Variants in SPIDR observed in about 807,000 individuals in gnomAD.
The protein encoded by SPIDR is scaffold protein involved in DNA repair.
A neutral mutation model predicts 104.6 loss-of-function variants in SPIDR; 93 were observed. That is an observed-to-expected ratio of 0.89 (90% CI 0.75 to 1.06). The LOEUF (loss-of-function observed/expected upper bound fraction) is 1.06. SPIDR is among the 50% of genes least tolerant of loss of function. SPIDR has a pLI of 0.00. For missense variants in SPIDR, 1,154 were observed against 1,111.2 expected, an observed-to-expected ratio of 1.04 and a Z score of -0.55; for synonymous variants, 431 against 416.9, an observed-to-expected ratio of 1.03 and a Z score of -0.41.
chr8:47,355,618 A>G (rs2154285379), intron 5 of SPIDR, among the ~76,000 whole-genome samples: 1 of 152,358 alleles, frequency 6.6e-6, no homozygotes, highest in East Asian at 1.9e-4. Flanking sequence ...AAACATTATC[A>G]GAAAGCTATA....
intron 10 of SPIDR, among the ~76,000 whole-genome samples, chr8:47,604,350 G>A (rs992501934): frequency 7.9e-5 from 12 of 152,200 alleles, no homozygotes; most frequent in Admixed American, 3.9e-4. Context: ...TCCCAGGCAC[G>A]CAACCGGCCA....
chr8:47,294,993 G>C (rs1298578784), intron 5 of SPIDR, among the ~76,000 whole-genome samples: 2 of 151,882 alleles, frequency 1.3e-5, no homozygotes, highest in Non-Finnish European at 2.9e-5. Context: ...TGCTGTCATT[G>C]TTTTTTCCCC....
chr8:47,328,563 T>G (rs782566983), intron 5 of SPIDR, among the ~76,000 whole-genome samples: 1 of 152,116 alleles, frequency 6.6e-6, no homozygotes, highest in Non-Finnish European at 1.5e-5. Flanking sequence ...CCAACTTCAT[T>G]TTTTTGAATA....
chr8:47,664,815 G>A (rs2074676322), intron 10 of SPIDR, among the ~76,000 whole-genome samples: 1 of 150,064 alleles, frequency 6.7e-6, no homozygotes, highest in East Asian at 2.0e-4. Flanking sequence ...AGCATCACTT[G>A]AGCCTGGGAG....
intron 5 of SPIDR, among the ~76,000 whole-genome samples, chr8:47,334,457 T>C (rs1305136306): frequency 6.6e-6 from 1 of 152,236 alleles, no homozygotes; most frequent in East Asian, 1.9e-4. Context: ...GGTATATACA[T>C]GTAAAGGATT....
intron 2 of SPIDR, among the ~76,000 whole-genome samples, chr8:47,280,958 A>T (rs1206327925): frequency 4.6e-5 from 7 of 152,228 alleles, no homozygotes; most frequent in Non-Finnish European, 8.8e-5. Flanking sequence ...TTCACAAGAA[A>T]TGCATGTTTA....
intron 8 of SPIDR, among the ~76,000 whole-genome samples, chr8:47,530,013 T>C (rs1313097198): frequency 1.3e-5 from 2 of 152,204 alleles, no homozygotes; most frequent in Admixed American, 6.5e-5. Flanking sequence ...GATTTCATCA[T>C]TATGCAGACA....
intron 10 of SPIDR, among the ~76,000 whole-genome samples, chr8:47,661,589 G>A (rs887909451): frequency 2.6e-5 from 4 of 152,194 alleles, no homozygotes; most frequent in Non-Finnish European, 5.9e-5. Context: ...GGCCTGGCTA[G>A]CCACTGGTTC....
At chr8:47,315,737 AAGAC>A (rs1163353814) in intron 5 of SPIDR, among the ~76,000 whole-genome samples, 10 of 152,200 alleles carry the variant, frequency 6.6e-5, no homozygotes, top group African/African-American at 2.2e-4. Context: ...ATTTTTAACA[AAGAC>A]AGCTATCCAA....
intron 5 of SPIDR, among the ~76,000 whole-genome samples, chr8:47,373,116 A>G (rs955657322): frequency 6.6e-6 from 1 of 152,220 alleles, no homozygotes; most frequent in South Asian, 2.1e-4. Flanking sequence ...GTATTCCTGG[A>G]ATGATAGTAT....
At chr8:47,430,924 A>G (rs2067248934) in intron 7 of SPIDR, among the ~76,000 whole-genome samples, 1 of 152,212 alleles carries the variant, frequency 6.6e-6, no homozygotes, top group Non-Finnish European at 1.5e-5. Context: ...AAGAACTCGT[A>G]TTCTCGATAC....
At chr8:47,351,646 A>G (rs992593806) in intron 5 of SPIDR, among the ~76,000 whole-genome samples, 10 of 152,234 alleles carry the variant, frequency 6.6e-5, no homozygotes, top group Non-Finnish European at 1.0e-4. Flanking sequence ...TCAATCAACC[A>G]TGGACCAAAA....
At chr8:47,501,638 T>C (rs1261436550) in intron 8 of SPIDR, among the ~76,000 whole-genome samples, 2 of 152,168 alleles carry the variant, frequency 1.3e-5, no homozygotes, top group African/African-American at 2.4e-5. Context: ...CCTTTATTTC[T>C]TTCTCCTGCC....
chr8:47,375,087 T>C (rs186470122), intron 5 of SPIDR, among the ~76,000 whole-genome samples: 45 of 152,014 alleles, frequency 3.0e-4, no homozygotes, highest in African/African-American at 1.1e-3. Flanking sequence ...GACATTTAAT[T>C]ATAACAGACA....
At chr8:47,488,921 A>G (rs1554735163) in intron 8 of SPIDR, among the ~76,000 whole-genome samples, 1 of 152,208 alleles carries the variant, frequency 6.6e-6, no homozygotes, top group East Asian at 1.9e-4. Context: ...AACTGGAAGC[A>G]TTCCCTTTGA....
chr8:47,630,759 C>T (rs2066938181), intron 10 of SPIDR, among the ~76,000 whole-genome samples: 1 of 152,142 alleles, frequency 6.6e-6, no homozygotes, highest in Non-Finnish European at 1.5e-5. Context: ...ACTCTTTACT[C>T]AGAAAATACC....
intron 8 of SPIDR, among the ~76,000 whole-genome samples, chr8:47,498,991 A>C (rs1056268796): frequency 3.3e-5 from 5 of 152,174 alleles, no homozygotes; most frequent in African/African-American, 1.2e-4. Flanking sequence ...AGGGTTTTTC[A>C]TTACCATCTA....
intron 7 of SPIDR, among the ~76,000 whole-genome samples, chr8:47,429,618 T>A (rs545070001): frequency 6.6e-6 from 1 of 152,288 alleles, no homozygotes; most frequent in Non-Finnish European, 1.5e-5. Flanking sequence ...CAACATGGCA[T>A]CACAGAGTGC....
At chr8:47,263,055 C>G (rs1456610188) in intron 1 of SPIDR, among the ~76,000 whole-genome samples, 5 of 152,140 alleles carry the variant, frequency 3.3e-5, no homozygotes, top group African/African-American at 9.7e-5. Context: ...TTTAACAGTC[C>G]TGTGAGGTAG....
Sources: allele counts gnomAD v4.1 joint callset (sites outside exome capture counted in the v4.1 genomes callset), GRCh38; gene constraint gnomAD v4.1.1; transcripts MANE v1.5; gene names NCBI Gene and HGNC (gene_info 2026-07-23, HGNC 2026-07-21).